The following DLG2 variants were observed in gnomAD, a reference collection of about 807,000 sequenced individuals.
DLG2 encodes discs large MAGUK scaffold protein 2.
Under a neutral mutation model 132.5 loss-of-function variants are expected in DLG2, and 45 were observed. The ratio of observed to expected loss-of-function variants is 0.34; its 90% CI spans 0.27 to 0.44. The LOEUF (loss-of-function observed/expected upper bound fraction) is 0.44. DLG2 is among the 20% of genes least tolerant of loss of function. The pLI, the probability that DLG2 is intolerant of heterozygous loss-of-function variation, is 1.00. For missense variants in DLG2, 1,045 were observed against 1,196.9 expected (o/e 0.87, Z 1.87); for synonymous variants, 424 against 419.6 (o/e 1.01, Z -0.13).
At chr11:85,014,228 G>A (rs994498818) in intron 6 of DLG2, among the ~76,000 whole-genome samples, 2 of 152,156 alleles carry the variant, frequency 1.3e-5, no homozygotes, top group South Asian at 2.1e-4. Flanking sequence ...TTCTACTTGT[G>A]TAAAAGCAGT....
rs540445407 is a variant in DLG2, at chr11:85,540,571, C to T, written c.40+58086G>A. 9.2e-5 allele frequency among the ~76,000 whole-genome samples: 14 copies of T among 152,354 alleles called. No individual in the cohort carries two copies. The South Asian group carries it at 2.7e-3, about 29-fold the overall frequency. The stretch of plus-strand genomic sequence containing the variant: ...ACTTTGCAGCCATCCTCCAAGCCCA[C>T]ATGTGATTCAATTTTTCTGGTACAC... On this transcript the variant is annotated intron_variant, in intron 3 of 27. Coordinates refer to ENST00000376104, the MANE Select transcript of DLG2 (RefSeq NM_001142699.3).
At chr11:85,496,918 C>G (rs187835847) in intron 3 of DLG2, among the ~76,000 whole-genome samples, 1 of 152,130 alleles carries the variant, frequency 6.6e-6, no homozygotes, top group East Asian at 1.9e-4. Context: ...AGACTACAGC[C>G]AAAAGTCATT....
intron 6 of DLG2, among the ~76,000 whole-genome samples, chr11:85,005,762 T>C (rs1171074568): frequency 6.6e-6 from 1 of 152,204 alleles, no homozygotes; most frequent in Admixed American, 6.5e-5. Context: ...TCCAATACTA[T>C]GTTGAATAGG....
intron 6 of DLG2, among the ~76,000 whole-genome samples, chr11:84,672,907 G>T (rs1595454392): frequency 6.6e-6 from 1 of 152,104 alleles, no homozygotes; most frequent in Non-Finnish European, 1.5e-5. Flanking sequence ...GAAGGCCTCA[G>T]GGAGCTTTTA....
At chr11:84,310,973 G>T (rs562124723) in intron 7 of DLG2, among the ~76,000 whole-genome samples, 19 of 152,274 alleles carry the variant, frequency 1.2e-4, no homozygotes, top group African/African-American at 4.6e-4. Flanking sequence ...TTTTGCTGAG[G>T]AAATCTTTCA....
rs1248686414 is a variant in DLG2, at chr11:83,548,575, CAA to C, written c.1941-6719_1941-6718del. ...AACAACTACTCAGCAACAACAACAA[CAA>C]CAACCCACTGAGTGCCTGTTATTGG... On this transcript the variant is annotated intron_variant, in intron 19 of 27. Coordinates refer to ENST00000376104, the MANE Select transcript of DLG2 (RefSeq NM_001142699.3). Among the ~76,000 whole-genome samples the C allele has an allele frequency of 6.6e-4, 100 of 152,230 alleles. No individual in the cohort carries two copies. In the Middle Eastern group the frequency reaches 0.01, roughly 16 times the overall value.
intron 14 of DLG2, among the ~76,000 whole-genome samples, chr11:83,957,746 T>G (rs12273926): frequency 6.6e-6 from 1 of 152,022 alleles, no homozygotes; most frequent in Non-Finnish European, 1.5e-5. Context: ...CTGGCCAAAC[T>G]GGACTTTATG....
intron 7 of DLG2, among the ~76,000 whole-genome samples, chr11:84,419,857 C>T (rs1383206130): frequency 6.6e-6 from 1 of 152,178 alleles, no homozygotes; most frequent in Non-Finnish European, 1.5e-5. Flanking sequence ...TTACACACTG[C>T]GTGCTTGGCT....
chr11:84,801,625 C>T (rs936137484), intron 6 of DLG2, among the ~76,000 whole-genome samples: 1 of 152,118 alleles, frequency 6.6e-6, no homozygotes, highest in Admixed American at 6.6e-5. Context: ...GATAATTGAC[C>T]GTGATGGGAG....
At chr11:84,196,321 T>C (rs2096516240) in intron 8 of DLG2, among the ~76,000 whole-genome samples, 2 of 152,150 alleles carry the variant, frequency 1.3e-5, no homozygotes, top group African/African-American at 2.4e-5. Flanking sequence ...ACAGAAAAGA[T>C]TGAACTGGAC....
intron 7 of DLG2, among the ~76,000 whole-genome samples, chr11:84,496,465 A>G (rs1394325363): frequency 6.6e-6 from 1 of 152,152 alleles, no homozygotes; most frequent in Admixed American, 6.6e-5. Flanking sequence ...TTAGAAATCA[A>G]TGATCATAAC....
At chr11:83,876,280 T>C (rs2064770551) in intron 15 of DLG2, among the ~76,000 whole-genome samples, 1 of 152,128 alleles carries the variant, frequency 6.6e-6, no homozygotes. Context: ...AAATAAACCA[T>C]TATGATTTAG....
intron 6 of DLG2, among the ~76,000 whole-genome samples, chr11:84,982,856 GA>G (rs947640238): frequency 1.3e-5 from 2 of 151,952 alleles, no homozygotes; most frequent in Admixed American, 6.6e-5. Flanking sequence ...AATTTATGCA[GA>G]AAAAAAGTAA....
intron 6 of DLG2, among the ~76,000 whole-genome samples, chr11:84,999,728 A>T (rs76055536): frequency 0.02 from 2,990 of 152,200 alleles, 53 homozygotes; most frequent in Admixed American, 0.042. Context: ...CATCAAATTG[A>T]TTACTGGCAG....
intron 14 of DLG2, among the ~76,000 whole-genome samples, chr11:83,944,461 T>C (rs1393946350): frequency 6.6e-6 from 1 of 152,196 alleles, no homozygotes; most frequent in African/African-American, 2.4e-5. Context: ...CAGCATTAAT[T>C]GCCTATTGTG....
chr11:84,794,739 G>T (rs1255325882), intron 6 of DLG2, among the ~76,000 whole-genome samples: 1 of 152,216 alleles, frequency 6.6e-6, no homozygotes, highest in Non-Finnish European at 1.5e-5. Flanking sequence ...CCAAGCCCAG[G>T]TGCTGTCACA....
intron 6 of DLG2, among the ~76,000 whole-genome samples, chr11:84,867,299 T>C (rs2084721336): frequency 6.6e-6 from 1 of 152,242 alleles, no homozygotes; most frequent in Non-Finnish European, 1.5e-5. Context: ...GTTACCTCTC[T>C]GCTAGCCATT....
intron 6 of DLG2, among the ~76,000 whole-genome samples, chr11:84,843,983 A>G (rs1018219174): frequency 9.3e-5 from 14 of 150,134 alleles, no homozygotes; most frequent in African/African-American, 3.2e-4. Context: ...TAATAGATAC[A>G]TATATAAAGG....
At chr11:85,137,144 A>G (rs1165187503) in intron 5 of DLG2, among the ~76,000 whole-genome samples, 5 of 152,150 alleles carry the variant, frequency 3.3e-5, no homozygotes, top group Non-Finnish European at 5.9e-5. Context: ...ATAATGGAGA[A>G]GGGCAATTTC....
Sources: gnomAD v4.1 joint callset for allele counts (sites outside exome capture counted in the v4.1 genomes callset) on GRCh38, gnomAD v4.1.1 for gene constraint, MANE v1.5 for transcripts, NCBI Gene and HGNC (gene_info 2026-07-23, HGNC 2026-07-21) for gene names.